The following CYTH3 variants were observed in gnomAD, a reference collection of about 807,000 sequenced individuals.
CYTH3 encodes cytohesin 3, also known as cytohesin-3.
A neutral mutation model predicts 55.1 loss-of-function variants in CYTH3; 23 were observed. That is an observed-to-expected ratio of 0.42 (90% CI 0.30 to 0.59). The LOEUF is 0.59. Ranked by LOEUF, CYTH3 falls within the 20% of genes least tolerant of loss-of-function variation. The pLI is 0.20. For synonymous variants in CYTH3, 249 were observed against 194.9 expected, an observed-to-expected ratio of 1.28 and a Z score of -2.31; for missense variants, 413 against 524.8, an observed-to-expected ratio of 0.79 and a Z score of 2.08.
chr7:6,257,175 T>C (rs1419124170), intron 1 of CYTH3, among the ~76,000 whole-genome samples: 4 of 152,162 alleles, frequency 2.6e-5, no homozygotes, highest in Non-Finnish European at 5.9e-5. Context: ...CTCAGAAGTG[T>C]GGTCATATAC....
chr7:6,190,345 GGT>G, intron 2 of CYTH3, 102 bp downstream of exon 2: 1 of 876,180 alleles, frequency 1.1e-6, no homozygotes, highest in Non-Finnish European at 1.6e-6. Context: ...TTTGTTTTTG[GGT>G]TTTTTTTTTT....
intron 4 of CYTH3, among the ~76,000 whole-genome samples, chr7:6,184,033 C>T (rs146487172): frequency 0.013 from 1,890 of 140,702 alleles, 22 homozygotes; most frequent in Middle Eastern, 0.04. Context: ...CCATTGTTTA[C>T]GCACCCCCTC....
intron 1 of CYTH3, among the ~76,000 whole-genome samples, chr7:6,208,413 G>T (rs1784246532): frequency 6.6e-6 from 1 of 152,186 alleles, no homozygotes; most frequent in Admixed American, 6.5e-5. Flanking sequence ...CTTACCAAAT[G>T]CAGTAGTCAA....
chr7:6,229,455 T>C (rs1375599314), intron 1 of CYTH3, among the ~76,000 whole-genome samples: 2 of 152,054 alleles, frequency 1.3e-5, no homozygotes, highest in East Asian at 1.9e-4. Flanking sequence ...CTTACAAGCC[T>C]GTGCAAGTTA....
intron 2 of CYTH3, among the ~76,000 whole-genome samples, chr7:6,188,010 G>GT (rs1324348340): frequency 1.3e-5 from 2 of 152,034 alleles, no homozygotes; most frequent in African/African-American, 4.8e-5. Flanking sequence ...AGCACACTGG[G>GT]GGGGGAATAT....
In CYTH3 at chr7:6,230,643, T is replaced by C. The variant is rs370217865; in HGVS notation, c.35-40112A>G. ...AGCAAGTTTCATGCCACGGATCCAA[T>C]GCAGCCACATAATGACAATGTAAAC... is the stretch of plus-strand genomic sequence containing the variant. On this transcript the variant is annotated intron_variant, in intron 1 of 12. Transcript: ENST00000350796. 1.3e-4 allele frequency among the ~76,000 whole-genome samples: 20 copies of C among 152,264 alleles called. No individual in the cohort carries two copies. In the East Asian group the frequency reaches 1.5e-3, roughly 12 times the overall value.
At position 6,163,153 on chromosome 7, in the gene CYTH3, T is replaced by G. The variant is rs1284257715; in HGVS notation, c.*1791A>C. The G allele has an allele frequency of 6.6e-6, 1 of 152,638 alleles. No individual in the cohort carries two copies. Among genetic ancestry groups the G allele is most frequent in the Non-Finnish European group, 1.5e-5 (1 of 68,070 alleles). The allele number at this position is 152,638 out of a possible 1,614,324, so 9.5% of individuals were successfully genotyped here. On this transcript the variant is annotated 3_prime_UTR_variant, in exon 13 of 13. Transcript: ENST00000350796. ...ACAGGGGTTTCTGGCCTCGGACCCCTCTGCAGTCTAGTGTGACTTAAAGCT... is the reference window on the plus strand; with the variant it reads ...ACAGGGGTTTCTGGCCTCGGACCCCGCTGCAGTCTAGTGTGACTTAAAGCT...
Position 6,169,842 on chromosome 7 carries a change from G to A in CYTH3, c.823+693C>T, listed in dbSNP as rs1389036208. On this transcript the variant is annotated intron_variant, in intron 9 of 12. Transcript: ENST00000350796. The surrounding 1 kb of genome is among the most constrained non-coding windows in gnomAD (Gnocchi z 4.1). Reference sequence around the variant, plus strand: ...ACTGCTGCGGACCCCTAGAGACACAGGGTGGGGGGCAAGTTGGTTCCCACA... The same window carrying A: ...ACTGCTGCGGACCCCTAGAGACACAAGGTGGGGGGCAAGTTGGTTCCCACA... Among the ~76,000 whole-genome samples the A allele has an allele frequency of 1.3e-5, 2 of 152,156 alleles. No individual in the cohort carries two copies. Among genetic ancestry groups the A allele is most frequent in the Non-Finnish European group, 2.9e-5 (2 of 68,016 alleles).
At chr7:6,181,594 T>TA (rs1392295441) in intron 4 of CYTH3, among the ~76,000 whole-genome samples, 2 of 152,224 alleles carry the variant, frequency 1.3e-5, no homozygotes, top group Non-Finnish European at 2.9e-5. Flanking sequence ...CGTCTATGTG[T>TA]ATAAGTCTTT....
At chr7:6,212,216 G>C (rs1003273522) in intron 1 of CYTH3, among the ~76,000 whole-genome samples, 7 of 152,050 alleles carry the variant, frequency 4.6e-5, no homozygotes, top group African/African-American at 1.7e-4. Flanking sequence ...CAGCAGTCTT[G>C]AACTCCAGGG....
intron 1 of CYTH3, among the ~76,000 whole-genome samples, chr7:6,200,815 G>A (rs150114436): frequency 0.012 from 1,815 of 152,302 alleles, 21 homozygotes; most frequent in Non-Finnish European, 0.02. Flanking sequence ...GACTGCAATG[G>A]CACAATCACA....
At chr7:6,255,342 G>A (rs1178608114) in intron 1 of CYTH3, among the ~76,000 whole-genome samples, 1 of 152,166 alleles carries the variant, frequency 6.6e-6, no homozygotes, top group Non-Finnish European at 1.5e-5. Context: ...ACAATATTCT[G>A]CCTTGAACAA....
At chr7:6,224,216 T>G (rs1779174399) in intron 1 of CYTH3, among the ~76,000 whole-genome samples, 1 of 151,324 alleles carries the variant, frequency 6.6e-6, no homozygotes. Flanking sequence ...AAAGATGACC[T>G]GAATGCTATT....
At chr7:6,181,190 C>G (rs1447161279) in intron 4 of CYTH3, among the ~76,000 whole-genome samples, 2 of 152,072 alleles carry the variant, frequency 1.3e-5, no homozygotes, top group African/African-American at 4.8e-5. Flanking sequence ...TAAATTTGGA[C>G]TTAAAAAAAA....
intron 1 of CYTH3, among the ~76,000 whole-genome samples, chr7:6,219,408 G>C (rs1784497019): frequency 6.6e-6 from 1 of 152,218 alleles, no homozygotes; most frequent in Non-Finnish European, 1.5e-5. Flanking sequence ...GGGAAATTCT[G>C]AGCCTGCATG....
chr7:6,261,472 T>C (rs986725498), intron 1 of CYTH3, among the ~76,000 whole-genome samples: 8 of 151,912 alleles, frequency 5.3e-5, no homozygotes, highest in Admixed American at 2.0e-4. Context: ...CCCAGCACCT[T>C]TGGAGGCTGA....
intron 1 of CYTH3, among the ~76,000 whole-genome samples, chr7:6,268,716 G>A (rs754971332): frequency 4.6e-5 from 7 of 152,054 alleles, no homozygotes; most frequent in Non-Finnish European, 7.4e-5. Flanking sequence ...GGATTTACAC[G>A]CCTGTAATTT....
At chr7:6,230,974 A>G (rs1779379063) in intron 1 of CYTH3, among the ~76,000 whole-genome samples, 1 of 152,230 alleles carries the variant, frequency 6.6e-6, no homozygotes, top group Non-Finnish European at 1.5e-5. Flanking sequence ...GGCTCCACAC[A>G]GAGCTGTTCT....
chr7:6,187,222 G>T, intron 3 of CYTH3, 106 bp from the exon 4 acceptor site: 3 of 1,240,420 alleles, frequency 2.4e-6, no homozygotes, highest in South Asian at 1.2e-5. Context: ...TCAAGGAAGC[G>T]AAGCACAGGC....
Sources: allele counts gnomAD v4.1 joint callset (sites outside exome capture counted in the v4.1 genomes callset), GRCh38; gene constraint gnomAD v4.1.1; non-coding constraint Gnocchi (gnomAD v3.1); transcripts MANE v1.5; gene names NCBI Gene and HGNC (gene_info 2026-07-23, HGNC 2026-07-21).